GPHN: variants seen among roughly 807,000 people sequenced by gnomAD.
GPHN encodes the protein gephyrin.
Under a neutral mutation model 95.5 loss-of-function variants are expected in GPHN, and 17 were observed. That is an observed-to-expected ratio of 0.18 (90% confidence interval 0.12 to 0.27). The LOEUF is 0.27. GPHN is among the 10% of genes least tolerant of loss of function. GPHN has a pLI of 1.00. For missense variants in GPHN, 660 were observed against 978.1 expected (o/e 0.67, Z 4.34); for synonymous variants, 320 against 322.5 (o/e 0.99, Z 0.08).
At chr14:66,996,657 G>A (rs1413426282) in intron 9 of GPHN, among the ~76,000 whole-genome samples, 1 of 151,902 alleles carries the variant, frequency 6.6e-6, no homozygotes, top group Non-Finnish European at 1.5e-5. Flanking sequence ...ACAGACATAG[G>A]AAAACATCCA....
intron 1 of GPHN, among the ~76,000 whole-genome samples, chr14:66,661,466 C>G (rs2065643117): frequency 6.6e-6 from 1 of 151,896 alleles, no homozygotes; most frequent in Admixed American, 6.6e-5. Context: ...TGTTACCTCC[C>G]AACTGACAGA....
At chr14:67,498,169 C>T in the GPHN span, among the ~76,000 whole-genome samples, 6,606 of 152,200 alleles carry the variant, frequency 0.043, 185 homozygotes, top group East Asian at 0.092. Flanking sequence ...ATCTCTGTTC[C>T]CGATCCATTC....
intron 1 of GPHN, among the ~76,000 whole-genome samples, chr14:66,629,261 T>C (rs2063691249): frequency 6.8e-6 from 1 of 148,114 alleles, no homozygotes; most frequent in African/African-American, 2.5e-5. Context: ...TGTGTGTTTC[T>C]TATCTTCAGT....
At chr14:66,779,619 T>C (rs1439152684) in intron 3 of GPHN, among the ~76,000 whole-genome samples, 1 of 152,028 alleles carries the variant, frequency 6.6e-6, no homozygotes, top group African/African-American at 2.4e-5. Context: ...CACCTGGACA[T>C]TGGAAAAAGT....
intron 12 of GPHN, among the ~76,000 whole-genome samples, chr14:67,095,014 G>T (rs991030164): frequency 5.9e-5 from 9 of 152,298 alleles, no homozygotes; most frequent in Admixed American, 5.2e-4. Context: ...AGTACACTCT[G>T]TGATGATGTT....
the GPHN span, among the ~76,000 whole-genome samples, chr14:67,610,383 C>T: frequency 7.2e-5 from 11 of 152,268 alleles, no homozygotes. Flanking sequence ...TGACGCCCCT[C>T]CTTGTTCGGA....
the GPHN span, chr14:67,352,840 A>G: frequency 2.5e-6 from 2 of 798,990 alleles, no homozygotes; most frequent in South Asian, 1.9e-5. Context: ...ATTAATTAAA[A>G]TAACAACAAC....
the GPHN span, among the ~76,000 whole-genome samples, chr14:67,351,554 G>A: frequency 3.3e-5 from 5 of 152,158 alleles, 1 homozygote; most frequent in South Asian, 1.0e-3. Context: ...TGTTGCCTGG[G>A]CTAGAGTACA....
chr14:67,674,466 C>A, the GPHN span: 1 of 1,607,696 alleles, frequency 6.2e-7, no homozygotes. Flanking sequence ...CGAAATGCTC[C>A]GAGGAGGCGG....
rs144861842 is a variant in GPHN at position 66,687,300 on chromosome 14, C to G, written c.143+6115C>G. ...CAGAACTCTCCACCCCAGCTTTGTT[C>G]TTTTTGCTCAGGATTGCTTTGGCTA... On this transcript the variant is annotated intron_variant, in intron 2 of 22. Coordinates refer to ENST00000478722, the MANE Select transcript of GPHN (RefSeq NM_020806.5). 1.2e-4 allele frequency among the ~76,000 whole-genome samples: 18 copies of G among 152,118 alleles called. No homozygotes were observed. In the East Asian group the frequency reaches 3.1e-3, roughly 26 times the overall value.
the GPHN span, chr14:67,575,428 C>A: frequency 1.9e-6 from 3 of 1,610,264 alleles, no homozygotes; most frequent in Non-Finnish European, 2.5e-6. Flanking sequence ...CTGGTGCGCT[C>A]TTGTTGGGAA....
intron 2 of GPHN, among the ~76,000 whole-genome samples, chr14:66,755,850 A>T (rs2058536380): frequency 6.6e-6 from 1 of 152,178 alleles, no homozygotes; most frequent in African/African-American, 2.4e-5. Context: ...AGTTAATAAG[A>T]GAGCTTTCTA....
At chr14:67,557,841 T>C in the GPHN span, among the ~76,000 whole-genome samples, 1 of 152,252 alleles carries the variant, frequency 6.6e-6, no homozygotes, top group African/African-American at 2.4e-5. Context: ...GAACTTTTCT[T>C]TCTCCATTCT....
At chr14:66,630,486 G>A (rs529033757) in intron 1 of GPHN, among the ~76,000 whole-genome samples, 2,831 of 152,034 alleles carry the variant, frequency 0.019, 80 homozygotes, top group African/African-American at 0.064. Flanking sequence ...TGTTGTTGTT[G>A]TTATTTTTTT....
intron 10 of GPHN, among the ~76,000 whole-genome samples, chr14:67,052,070 C>G (rs1429956458): frequency 6.6e-6 from 1 of 152,100 alleles, no homozygotes; most frequent in Non-Finnish European, 1.5e-5. Flanking sequence ...GCAAAATAAC[C>G]AGCTAGCATC....
intron 1 of GPHN, among the ~76,000 whole-genome samples, chr14:66,542,031 T>C (rs1039887870): frequency 1.3e-5 from 2 of 152,246 alleles, no homozygotes; most frequent in South Asian, 2.1e-4. Flanking sequence ...TTAAATTTTA[T>C]AGTATTTTGT....
At chr14:66,920,906 G>A (rs2066182805) in intron 6 of GPHN, among the ~76,000 whole-genome samples, 1 of 152,074 alleles carries the variant, frequency 6.6e-6, no homozygotes, top group African/African-American at 2.4e-5. Context: ...ATCTCATCCA[G>A]GTCATTGCAA....
rs146620686 is a variant in GPHN, at chr14:66,838,931, G to T, written c.294+14365G>T. Among the ~76,000 whole-genome samples the T allele has an allele frequency of 5.0e-3, 766 of 152,244 alleles. 2 individuals carry two copies. Among genetic ancestry groups the T allele is most frequent in the Non-Finnish European group, 8.0e-3 (544 of 67,996 alleles). On this transcript the variant is annotated intron_variant, in intron 4 of 22. Transcript: ENST00000478722. Reference sequence around the variant, plus strand: ...TTGTTGTTACTGCCTGCCATAAAAGGCATCTGATAGGGATTCAGAAAGTAG... The same window carrying T: ...TTGTTGTTACTGCCTGCCATAAAAGTCATCTGATAGGGATTCAGAAAGTAG...
intron 1 of GPHN, among the ~76,000 whole-genome samples, chr14:66,531,272 T>C (rs1382444170): frequency 6.6e-6 from 1 of 152,138 alleles, no homozygotes; most frequent in African/African-American, 2.4e-5. Context: ...TGGACTTGGA[T>C]TTTCAAATTT....
Sources: gnomAD v4.1 joint callset for allele counts (sites outside exome capture counted in the v4.1 genomes callset) on GRCh38, gnomAD v4.1.1 for gene constraint, MANE v1.5 for transcripts, NCBI Gene and HGNC (gene_info 2026-07-23, HGNC 2026-07-21) for gene names.